MVB12B: variants seen among roughly 807,000 people sequenced by gnomAD.
MVB12B encodes ESCRT-I complex subunit MVB12B.
Under a neutral mutation model 41.6 loss-of-function variants are expected in MVB12B, and 16 were observed. The observed-to-expected ratio is 0.38, with a 90% CI of 0.26 to 0.58. The LOEUF is 0.58. Ranked by LOEUF, MVB12B falls within the 20% of genes least tolerant of loss-of-function variation. The pLI, the probability that MVB12B is intolerant of heterozygous loss-of-function variation, is 0.62. For missense variants in MVB12B, 274 were observed against 380.2 expected (o/e 0.72, Z 2.32); for synonymous variants, 133 against 139.7 (o/e 0.95, Z 0.34).
intron 7 of MVB12B, among the ~76,000 whole-genome samples, chr9:126,466,466 T>A (rs948555358): frequency 6.6e-6 from 1 of 152,122 alleles, no homozygotes; most frequent in Non-Finnish European, 1.5e-5. Flanking sequence ...AGATTACACC[T>A]CTTGATGAGA....
At chr9:126,451,759 G>T (rs999828154) in intron 7 of MVB12B, among the ~76,000 whole-genome samples, 1 of 152,122 alleles carries the variant, frequency 6.6e-6, no homozygotes, top group Non-Finnish European at 1.5e-5. Flanking sequence ...CATCTGGAGG[G>T]GGTTTATTTA....
In MVB12B at chr9:126,478,199, C is replaced by T. The variant is rs1294699302; in HGVS notation, c.758-3170C>T. 6.6e-6 allele frequency among the ~76,000 whole-genome samples: 1 copy of T among 152,214 alleles called. No individual in the cohort carries two copies. Among genetic ancestry groups the T allele is most frequent in the Non-Finnish European group, 1.5e-5 (1 of 68,042 alleles). On this transcript the variant is annotated intron_variant, in intron 7 of 9. Transcript: ENST00000361171. The surrounding 1 kb of genome is among the most constrained non-coding windows in gnomAD (Gnocchi z 4.2). ...ACATTTCCCTCCCTGCTTAGATCTT[C>T]CTAGTTCCTAGAAGTGATTCCCAGG...
At chr9:126,336,474 T>G (rs1829279298) in intron 1 of MVB12B, among the ~76,000 whole-genome samples, 1 of 152,170 alleles carries the variant, frequency 6.6e-6, no homozygotes, top group African/African-American at 2.4e-5. Flanking sequence ...GTATGAAGGG[T>G]CTTTATAGTT....
intron 2 of MVB12B, among the ~76,000 whole-genome samples, chr9:126,364,500 G>A (rs1480547771): frequency 6.6e-6 from 1 of 152,186 alleles, no homozygotes; most frequent in Non-Finnish European, 1.5e-5. Context: ...CAGCACCATG[G>A]GTAGGAGTGT....
chr9:126,469,975 A>G (rs996492943), intron 7 of MVB12B, among the ~76,000 whole-genome samples: 2 of 152,270 alleles, frequency 1.3e-5, no homozygotes, highest in South Asian at 4.1e-4. Context: ...AAGAAAGACA[A>G]TAACAATACC....
chr9:126,441,821 A>G (rs1388678152), intron 7 of MVB12B, among the ~76,000 whole-genome samples: 1 of 152,250 alleles, frequency 6.6e-6, no homozygotes, highest in East Asian at 1.9e-4. Flanking sequence ...AATGTGATTT[A>G]CCTGAGCCAA....
chr9:126,436,206 C>T lies in MVB12B; in HGVS notation c.757+14258C>T, dbSNP rs996085995. The stretch of plus-strand genomic sequence containing the variant: ...GCCAGGAGGCTCTCTCGTGTTCGGG[C>T]ATTTGGGGTCCTTTCTGGTCTGGAG... On this transcript the variant is annotated intron_variant, in intron 7 of 9. Coordinates refer to ENST00000361171, the MANE Select transcript of MVB12B (RefSeq NM_033446.3). The surrounding 1 kb of genome is among the most constrained non-coding windows in gnomAD (Gnocchi z 4.1). Among the ~76,000 whole-genome samples, 2 of 152,166 alleles carry T rather than the reference C, an allele frequency of 1.3e-5. No individual in the cohort carries two copies. Among genetic ancestry groups the T allele is most frequent in the Non-Finnish European group, 2.9e-5 (2 of 68,030 alleles).
At chr9:126,429,707 C>T (rs777975318) in intron 7 of MVB12B, among the ~76,000 whole-genome samples, 1 of 152,148 alleles carries the variant, frequency 6.6e-6, no homozygotes, top group Non-Finnish European at 1.5e-5. Flanking sequence ...TCATGTAGGC[C>T]TGGCTAATTG....
intron 1 of MVB12B, among the ~76,000 whole-genome samples, chr9:126,338,388 A>C (rs542795540): frequency 4.7e-4 from 72 of 152,306 alleles, no homozygotes; most frequent in African/African-American, 1.7e-3. Context: ...TGCTGTTGAG[A>C]GCGGACTCCA....
intron 2 of MVB12B, among the ~76,000 whole-genome samples, chr9:126,349,366 G>A (rs930607891): frequency 6.6e-6 from 1 of 152,096 alleles, no homozygotes; most frequent in African/African-American, 2.4e-5. Flanking sequence ...ACCTAGGAGG[G>A]GCAGTCCCTC....
chr9:126,463,046 C>T (rs1435079795), intron 7 of MVB12B, among the ~76,000 whole-genome samples: 2 of 152,228 alleles, frequency 1.3e-5, no homozygotes, highest in African/African-American at 4.8e-5. Context: ...AGCTCCGTCT[C>T]ACACTGCACC....
At chr9:126,336,877 G>A (rs752017576) in intron 1 of MVB12B, among the ~76,000 whole-genome samples, 3 of 152,134 alleles carry the variant, frequency 2.0e-5, no homozygotes, top group African/African-American at 7.2e-5. Flanking sequence ...TCTCACAGAG[G>A]CTGTATGCCC....
At chr9:126,359,958 A>T (rs1293107656) in intron 2 of MVB12B, among the ~76,000 whole-genome samples, 3 of 151,866 alleles carry the variant, frequency 2.0e-5, no homozygotes. Flanking sequence ...ACTTTTTAAA[A>T]TTTTTTCTTC....
intron 7 of MVB12B, among the ~76,000 whole-genome samples, chr9:126,451,187 G>C (rs181540359): frequency 6.6e-6 from 1 of 152,198 alleles, no homozygotes; most frequent in African/African-American, 2.4e-5. Context: ...AGGGAGTCAG[G>C]CCCTTCACCA....
Position 126,422,334 on chromosome 9 carries a change from C to T in MVB12B, c.757+386C>T, listed in dbSNP as rs1832049146. Among the ~76,000 whole-genome samples, 4 of 152,196 alleles carry T rather than the reference C, an allele frequency of 2.6e-5. No homozygotes were observed. The South Asian group carries it at 8.3e-4, about 31-fold the overall frequency. ...CCCATATCCAAGTCTGTCCTCACCT[C>T]TCATTTCTCACAGCCAGGTTTGTGG... On this transcript the variant is annotated intron_variant, in intron 7 of 9. Transcript: ENST00000361171.
At chr9:126,433,692 G>C (rs1832388283) in intron 7 of MVB12B, among the ~76,000 whole-genome samples, 1 of 152,030 alleles carries the variant, frequency 6.6e-6, no homozygotes, top group African/African-American at 2.4e-5. Flanking sequence ...CTAAACCCAA[G>C]CCCAAGATTA....
chr9:126,396,586 C>T, intron 6 of MVB12B: 1 of 985,512 alleles, frequency 1.0e-6, no homozygotes, highest in Non-Finnish European at 1.2e-6. Flanking sequence ...CCCTCCGGGA[C>T]ATACCACCAG....
At position 126,473,095 on chromosome 9, in the gene MVB12B, G is replaced by A. The variant is rs1011498732; in HGVS notation, c.758-8274G>A. 6.6e-6 allele frequency among the ~76,000 whole-genome samples: 1 copy of A among 152,208 alleles called. No homozygotes were observed. ...GACCAGCCCTCCCTACGTGGTGGGTGCTTTATCTCTGTCGTCTTATTTCAT... is the reference window on the plus strand; with the variant it reads ...GACCAGCCCTCCCTACGTGGTGGGTACTTTATCTCTGTCGTCTTATTTCAT... On this transcript the variant is annotated intron_variant, in intron 7 of 9. Transcript: ENST00000361171. The surrounding 1 kb of genome is among the most constrained non-coding windows in gnomAD (Gnocchi z 4.0).
At chr9:126,355,948 C>T (rs777398825) in intron 2 of MVB12B, among the ~76,000 whole-genome samples, 4 of 152,120 alleles carry the variant, frequency 2.6e-5, no homozygotes, top group Non-Finnish European at 5.9e-5. Context: ...CCTCATTCTC[C>T]CTTCGCTGCC....
Sources: allele counts gnomAD v4.1 joint callset (sites outside exome capture counted in the v4.1 genomes callset), GRCh38; gene constraint gnomAD v4.1.1; non-coding constraint Gnocchi (gnomAD v3.1); transcripts MANE v1.5; gene names NCBI Gene and HGNC (gene_info 2026-07-23, HGNC 2026-07-21).